The following PI4KA variants were observed in gnomAD, a reference collection of about 807,000 sequenced individuals.
PI4KA encodes the protein phosphatidylinositol 4-kinase alpha.
A neutral mutation model predicts 271.4 loss-of-function variants in PI4KA; 122 were observed. The observed-to-expected ratio is 0.45, with a 90% confidence interval of 0.39 to 0.52. The LOEUF is 0.52. Ranked by LOEUF, PI4KA falls within the 20% of genes least tolerant of loss-of-function variation. The pLI is 0.00. For synonymous variants in PI4KA, 1,041 were observed against 1,078.8 expected, an observed-to-expected ratio of 0.96 and a Z score of 0.69; for missense variants, 1,969 against 2,769.1, an observed-to-expected ratio of 0.71 and a Z score of 6.48.
intron 2 of PI4KA, among the ~76,000 whole-genome samples, chr22:20,835,823 C>T (rs1308706528): frequency 5.9e-5 from 9 of 151,826 alleles, no homozygotes; most frequent in East Asian, 5.8e-4. Context: ...CTGAGGCAGG[C>T]GGATCACGAG....
intron 19 of PI4KA, chr22:20,779,888 G>C: frequency 6.2e-7 from 1 of 1,614,238 alleles, no homozygotes; most frequent in Non-Finnish European, 8.5e-7. Flanking sequence ...CCAGCAGCAA[G>C]TATGAAATCA....
At chr22:20,792,570 A>G (rs567159337) in intron 19 of PI4KA, among the ~76,000 whole-genome samples, 1 of 152,336 alleles carries the variant, frequency 6.6e-6, no homozygotes, top group South Asian at 2.1e-4. Flanking sequence ...TAAATACTGG[A>G]ACATAGGTGC....
chr22:20,803,382 A>G (rs1229401851), intron 12 of PI4KA, 62 bp from the exon 13 acceptor site: 2 of 1,604,214 alleles, frequency 1.2e-6, no homozygotes, highest in Admixed American at 1.7e-5. Context: ...GTAGGCCCTG[A>G]GCAGGGAGGT....
rs760693636 is a variant in PI4KA, at chr22:20,726,538, C to T, written c.4945G>A (p.Ala1649Thr). Residue 1649 changes from alanine (A) to threonine (T), a missense_variant, in exon 42 of 55, where the codon GCC becomes ACC. Physicochemically the swap from Ala to Thr is moderately conservative, Grantham distance 58. Coordinates refer to ENST00000255882, the MANE Select transcript of PI4KA (RefSeq NM_058004.4). ...VKVLRSFPPD[A>T]ILFYIPQIVQ... ...ATCTGGGGGATGTAGAAGAGGATGG[C>T]GTCCTGTGGAGGTGGAGCAGAGTTG... is the stretch of plus-strand genomic sequence containing the variant. 1.9e-6 allele frequency: 3 copies of T among 1,584,800 alleles called. No homozygotes were observed. Among genetic ancestry groups the T allele is most frequent in the African/African-American group, 1.4e-5 (1 of 72,872 alleles).
At chr22:20,724,271 C>T (rs1001089998) in intron 42 of PI4KA, among the ~76,000 whole-genome samples, 2 of 150,108 alleles carry the variant, frequency 1.3e-5, no homozygotes, top group Admixed American at 6.7e-5. Flanking sequence ...CACCATTGCA[C>T]TCCAGCCTGG....
intron 10 of PI4KA, among the ~76,000 whole-genome samples, chr22:20,805,590 T>C (rs974583695): frequency 6.6e-6 from 1 of 151,948 alleles, no homozygotes; most frequent in Admixed American, 6.6e-5. Flanking sequence ...CTCAGCAACT[T>C]GGGAGGCCGA....
At chr22:20,737,536 G>T (rs1382942007) in intron 32 of PI4KA, among the ~76,000 whole-genome samples, 1 of 152,160 alleles carries the variant, frequency 6.6e-6, no homozygotes. Flanking sequence ...GGTGGATCTG[G>T]GCTCCAGAGC....
intron 43 of PI4KA, 124 bp downstream of exon 43, chr22:20,721,174 G>A (rs1926689605): frequency 2.1e-6 from 2 of 939,520 alleles, no homozygotes; most frequent in Non-Finnish European, 3.4e-6. Flanking sequence ...CCAGCAAAGG[G>A]TGGGAGTGGA....
At chr22:20,723,862 G>A (rs1048332263) in intron 42 of PI4KA, among the ~76,000 whole-genome samples, 5 of 151,254 alleles carry the variant, frequency 3.3e-5, no homozygotes, top group Non-Finnish European at 5.9e-5. Flanking sequence ...TTTTTGAGAC[G>A]GAGTCTCACT....
At chr22:20,814,051 G>A (rs903419023) in intron 7 of PI4KA, among the ~76,000 whole-genome samples, 4 of 152,266 alleles carry the variant, frequency 2.6e-5, no homozygotes, top group Non-Finnish European at 5.9e-5. Context: ...CACCTGTCTC[G>A]GCCTCCCAAA....
intron 42 of PI4KA, chr22:20,722,067 G>A (rs190169478): frequency 2.2e-4 from 34 of 152,354 alleles, no homozygotes; most frequent in African/African-American, 8.2e-4. Flanking sequence ...TTGCTGCCAG[G>A]TAAGACGGAC....
intron 9 of PI4KA, among the ~76,000 whole-genome samples, chr22:20,808,042 G>A (rs1935767073): frequency 1.3e-5 from 2 of 152,130 alleles, no homozygotes; most frequent in South Asian, 2.1e-4. Context: ...TGTAATCCCA[G>A]CATTTGGGGA....
In PI4KA at chr22:20,840,642, G is replaced by A. The variant is rs116173800; in HGVS notation, c.157-1911C>T. Among the ~76,000 whole-genome samples, 1,494 of 152,282 alleles carry A rather than the reference G, an allele frequency of 9.8e-3. 15 individuals carry two copies. The highest frequency in any genetic ancestry group is 0.055 in the East Asian group (285 of 5,180). On this transcript the variant is annotated intron_variant, in intron 1 of 54. Coordinates refer to ENST00000255882, the MANE Select transcript of PI4KA (RefSeq NM_058004.4). ...AGACAGAAACAGACCAGTTCAGGAT[G>A]TGTTTTGAAGGAAGAGTTAAGAGGA...
chr22:20,819,889 T>C lies in PI4KA; in HGVS notation c.541A>G (p.Lys181Glu), dbSNP rs1245293184. 7 of 1,613,688 alleles carry C rather than the reference T, an allele frequency of 4.3e-6. No homozygotes were observed. The highest frequency in any genetic ancestry group is 5.9e-6 in the Non-Finnish European group (7 of 1,179,582). Reference sequence around the variant, plus strand: ...CCTATCAGGCATGGGATAGCATACTTGCAAAGGTATTCTAGAAGATCAAGT... The same window carrying C: ...CCTATCAGGCATGGGATAGCATACTCGCAAAGGTATTCTAGAAGATCAAGT... ...LEIQDKEYLC[K>E]YAIPCLIGIS... Residue 181 changes from lysine to glutamate, a missense_variant, in exon 6 of 55, where the codon AAG (lysine) becomes GAG (glutamate). Coordinates refer to ENST00000255882, the MANE Select transcript of PI4KA (RefSeq NM_058004.4).
At chr22:20,805,684 T>C (rs1341871510) in intron 10 of PI4KA, among the ~76,000 whole-genome samples, 4 of 151,548 alleles carry the variant, frequency 2.6e-5, no homozygotes, top group Non-Finnish European at 5.9e-5. Flanking sequence ...TACAAAAAAT[T>C]AGCCGGGCGT....
Position 20,784,189 on chromosome 22 carries a change from C to T in PI4KA, c.2328+9004G>A, listed in dbSNP as rs528589590. ...ACAAGATGTCTGGGATGAAGACCCT[C>T]GAAGCGCAACTGACACCCCGGGTGG... On this transcript the variant is annotated intron_variant, in intron 19 of 54. Coordinates refer to ENST00000255882, the MANE Select transcript of PI4KA (RefSeq NM_058004.4). 437 of 1,614,136 alleles carry T rather than the reference C, an allele frequency of 2.7e-4. 9 individuals carry two copies. The South Asian group carries it at 4.4e-3, about 16-fold the overall frequency.
At chr22:20,812,319 T>C (rs1921150984) in intron 8 of PI4KA, among the ~76,000 whole-genome samples, 1 of 152,186 alleles carries the variant, frequency 6.6e-6, no homozygotes, top group East Asian at 1.9e-4. Context: ...TGTTGTAATG[T>C]CTTCTTACAT....
intron 34 of PI4KA, 74 bp from the exon 35 acceptor site, chr22:20,733,917 C>T (rs983071339): frequency 7.5e-6 from 12 of 1,598,896 alleles, no homozygotes; most frequent in Non-Finnish European, 1.0e-5. Flanking sequence ...GACTCTCTTC[C>T]CTGCCCTTCC....
intron 13 of PI4KA, 129 bp from the exon 14 acceptor site, chr22:20,802,234 G>C: frequency 1.4e-6 from 1 of 692,912 alleles, no homozygotes. Flanking sequence ...AAAAACATCT[G>C]ACCAAATATT....
Sources: gnomAD v4.1 joint callset for allele counts (sites outside exome capture counted in the v4.1 genomes callset) on GRCh38, gnomAD v4.1.1 for gene constraint, MANE v1.5 for transcripts, NCBI Gene and HGNC (gene_info 2026-07-23, HGNC 2026-07-21) for gene names.